CCDC91: variants seen among roughly 807,000 people sequenced by gnomAD.
CCDC91 encodes the protein coiled-coil domain containing 91.
A neutral mutation model predicts 63.2 loss-of-function variants in CCDC91; 48 were observed. The ratio of observed to expected loss-of-function variants is 0.76; its 90% confidence interval spans 0.60 to 0.97. The LOEUF is 0.97. Among genes scored for constraint, CCDC91 ranks in the 50% least tolerant of loss-of-function variants. CCDC91 has a pLI of 0.00. For synonymous variants in CCDC91, 167 were observed against 165.8 expected (o/e 1.01, Z -0.06); for missense variants, 500 against 494.6 (o/e 1.01, Z -0.10).
chr12:28,226,138 A>G (rs1356241893), intron 1 of CCDC91: 4 of 152,124 alleles, frequency 2.6e-5, no homozygotes, highest in Non-Finnish European at 4.4e-5. Context: ...TGTTACTTCC[A>G]GATGAAAGTA....
At chr12:28,406,732 A>C (rs1946973072) in intron 8 of CCDC91, among the ~76,000 whole-genome samples, 1 of 149,224 alleles carries the variant, frequency 6.7e-6, no homozygotes, top group Non-Finnish European at 1.5e-5. Flanking sequence ...TGTTCTATTA[A>C]AGTTTTATAG....
chr12:28,391,722 A>C (rs1945960102), intron 8 of CCDC91, among the ~76,000 whole-genome samples: 1 of 152,176 alleles, frequency 6.6e-6, no homozygotes, highest in Non-Finnish European at 1.5e-5. Flanking sequence ...ATTTTTAGTG[A>C]GATAAGATTT....
chr12:28,446,929 G>A (rs2140288882), intron 8 of CCDC91, among the ~76,000 whole-genome samples: 1 of 152,290 alleles, frequency 6.6e-6, no homozygotes, highest in Admixed American at 6.5e-5. Context: ...CTTTCTCCAA[G>A]AGTGGAACAA....
chr12:28,267,805 GTAATATATAATTATATTAT>G (rs1422387265), intron 3 of CCDC91, among the ~76,000 whole-genome samples: 5 of 17,754 alleles, frequency 2.8e-4, no homozygotes, highest in South Asian at 6.3e-3. Flanking sequence ...TAATTATATA[GTAATATATAATTATATTAT>G]TAATATATAA....
intron 3 of CCDC91, among the ~76,000 whole-genome samples, chr12:28,277,877 G>C (rs552567574): frequency 2.2e-4 from 33 of 151,880 alleles, no homozygotes; most frequent in Non-Finnish European, 1.6e-4. Context: ...TTGTGATCTG[G>C]TAGTAGCCAG....
At chr12:28,517,314 A>C (rs1940062248) in intron 12 of CCDC91, among the ~76,000 whole-genome samples, 1 of 151,988 alleles carries the variant, frequency 6.6e-6, no homozygotes, top group Non-Finnish European at 1.5e-5. Context: ...GGCAAGCCTG[A>C]GATCTGAATT....
intron 1 of CCDC91, among the ~76,000 whole-genome samples, chr12:28,216,529 G>A (rs1272859533): frequency 2.6e-5 from 4 of 151,814 alleles, no homozygotes; most frequent in African/African-American, 9.7e-5. Context: ...CTACTCTCCC[G>A]GAGGAAGGTA....
intron 12 of CCDC91, among the ~76,000 whole-genome samples, chr12:28,509,349 T>A (rs1192801976): frequency 6.6e-6 from 1 of 151,902 alleles, no homozygotes; most frequent in African/African-American, 2.4e-5. Context: ...ACTTGATTCA[T>A]GGCATTGGTC....
chr12:28,451,712 GTAATA>G (rs1350805104), intron 10 of CCDC91, among the ~76,000 whole-genome samples: 1 of 151,234 alleles, frequency 6.6e-6, no homozygotes, highest in Non-Finnish European at 1.5e-5. Flanking sequence ...AGAAAGGACT[GTAATA>G]TAATAGCATG....
At chr12:28,539,679 A>G (rs1271163776) in intron 12 of CCDC91, among the ~76,000 whole-genome samples, 3 of 152,098 alleles carry the variant, frequency 2.0e-5, no homozygotes, top group African/African-American at 7.2e-5. Context: ...AATCTCCTTT[A>G]CTTGTTTACA....
At chr12:28,229,594 T>C (rs1488971849) in intron 1 of CCDC91, among the ~76,000 whole-genome samples, 4 of 152,126 alleles carry the variant, frequency 2.6e-5, no homozygotes, top group Admixed American at 1.3e-4. Flanking sequence ...ACTGAACTTT[T>C]GCATGTTTGA....
chr12:28,450,119 T>G (rs1949727002), intron 8 of CCDC91, 42 bp from the exon 9 acceptor site: 2 of 1,103,310 alleles, frequency 1.8e-6, no homozygotes, highest in Non-Finnish European at 2.6e-6. Context: ...GACAGATACC[T>G]GTCTCAGAGC....
intron 6 of CCDC91, among the ~76,000 whole-genome samples, chr12:28,350,126 C>T (rs1367170566): frequency 6.6e-6 from 1 of 152,160 alleles, no homozygotes; most frequent in South Asian, 2.1e-4. Context: ...AACTTTGACT[C>T]TTTGCCTTTA....
rs750404784 is a variant in CCDC91, at chr12:28,322,504, A to G, written c.576+14755A>G. Among the ~76,000 whole-genome samples, 151 of 151,338 alleles carry G rather than the reference A, an allele frequency of 1.0e-3. 2 individuals carry two copies. Among genetic ancestry groups the G allele is most frequent in the Non-Finnish European group, 2.2e-4 (15 of 67,708 alleles). ...TCACTTGGTTTTTGAAGTTTCTCCC[A>G]TTTTTTTGTAGTTTCTTACTCTCAA... On this transcript the variant is annotated intron_variant, in intron 6 of 12. Transcript: ENST00000536442.
intron 1 of CCDC91, among the ~76,000 whole-genome samples, chr12:28,220,703 G>A (rs974814731): frequency 8.6e-5 from 13 of 151,802 alleles, no homozygotes; most frequent in African/African-American, 2.9e-4. Flanking sequence ...TATTTTCTCT[G>A]GGCAAAGAAG....
intron 6 of CCDC91, among the ~76,000 whole-genome samples, chr12:28,317,285 A>G (rs1435029808): frequency 6.6e-6 from 1 of 152,058 alleles, no homozygotes; most frequent in Non-Finnish European, 1.5e-5. Flanking sequence ...TCTAAAAGCT[A>G]TACTATTGTT....
intron 7 of CCDC91, among the ~76,000 whole-genome samples, chr12:28,391,043 T>G (rs78303399): frequency 0.01 from 1,590 of 151,872 alleles, 34 homozygotes; most frequent in African/African-American, 0.036. Flanking sequence ...TATCATCTTC[T>G]GTGACTTGGC....
intron 5 of CCDC91, 72 bp from the exon 6 acceptor site, chr12:28,307,573 G>T (rs1938875992): frequency 4.0e-6 from 3 of 755,894 alleles, no homozygotes; most frequent in Non-Finnish European, 6.4e-6. Context: ...TTTCTGACAT[G>T]TTCATTGAAA....
chr12:28,273,615 T>G (rs1481525692), intron 3 of CCDC91, among the ~76,000 whole-genome samples: 1 of 152,176 alleles, frequency 6.6e-6, no homozygotes, highest in Non-Finnish European at 1.5e-5. Flanking sequence ...TTTTCATGTG[T>G]CTTTTGGCTG....
Sources: allele counts gnomAD v4.1 joint callset (sites outside exome capture counted in the v4.1 genomes callset), GRCh38; gene constraint gnomAD v4.1.1; transcripts MANE v1.5; gene names NCBI Gene and HGNC (gene_info 2026-07-23, HGNC 2026-07-21).